Variants in ERGIC2 observed in about 807,000 individuals in gnomAD.
ERGIC2 encodes endoplasmic reticulum-Golgi intermediate compartment protein 2.
In ERGIC2, 31 loss-of-function variants were observed where a neutral mutation model predicts 52.5. That is an observed-to-expected ratio of 0.59 (90% confidence interval 0.44 to 0.80). The LOEUF is 0.80. Ranked by LOEUF, ERGIC2 falls within the 30% of genes least tolerant of loss-of-function variation. The probability of loss-of-function intolerance (pLI) is 0.00; values close to 1 mark genes in which losing one functional copy is unlikely to be tolerated. For synonymous variants in ERGIC2, 129 were observed against 140.6 expected (o/e 0.92, Z 0.58); for missense variants, 395 against 455.2 (o/e 0.87, Z 1.20).
At chr12:29,375,584 T>C (rs1940503900) in intron 1 of ERGIC2, among the ~76,000 whole-genome samples, 1 of 152,206 alleles carries the variant, frequency 6.6e-6, no homozygotes, top group South Asian at 2.1e-4. Flanking sequence ...ATTACATTTC[T>C]AAAAGTTTAT....
At position 29,339,762 on chromosome 12, in the gene ERGIC2, A is replaced by T. The variant is rs879253453; in HGVS notation, c.*1394T>A. On this transcript the variant is annotated 3_prime_UTR_variant, in exon 14 of 14. Transcript: ENST00000360150. ...ATCCTGTTTTCATAAATTTATCTTT[A>T]AAAAAATCCATTTGAAAAACTGTTA... is the stretch of plus-strand genomic sequence containing the variant. 1 of 152,084 alleles carries T rather than the reference A, an allele frequency of 6.6e-6. No homozygotes were observed. The highest frequency in any genetic ancestry group is 2.1e-4 in the South Asian group (1 of 4,834). 9.4% of individuals were successfully genotyped at this position (152,084 alleles called of 1,614,324 possible).
At chr12:29,342,812 G>A (rs1453784365) in intron 12 of ERGIC2, among the ~76,000 whole-genome samples, 2 of 152,120 alleles carry the variant, frequency 1.3e-5, no homozygotes, top group Non-Finnish European at 2.9e-5. Context: ...CTCAGAAAAG[G>A]TAGGTGATCT....
rs1949826138 is a variant in ERGIC2 at position 29,340,050 on chromosome 12, T to G, written c.*1106A>C. 6.6e-6 allele frequency: 1 copy of G among 152,160 alleles called. No homozygotes were observed. Among genetic ancestry groups the G allele is most frequent in the Non-Finnish European group, 1.5e-5 (1 of 67,990 alleles). 9.4% of individuals were successfully genotyped at this position (152,160 alleles called of 1,614,324 possible). A position where few individuals can be genotyped will look rare whatever the true frequency, so the allele number is the denominator to read the frequency against. On this transcript the variant is annotated 3_prime_UTR_variant, in exon 14 of 14. Coordinates refer to ENST00000360150, the MANE Select transcript of ERGIC2 (RefSeq NM_016570.3). Reference sequence around the variant, plus strand: ...TAATGTGAAGATTTAGAACCAATCCTTAAATAGTAAGAAAGTTAGAACACA... The same window carrying G: ...TAATGTGAAGATTTAGAACCAATCCGTAAATAGTAAGAAAGTTAGAACACA...
chr12:29,359,163 A>C (rs1940249369), intron 6 of ERGIC2, among the ~76,000 whole-genome samples: 1 of 151,972 alleles, frequency 6.6e-6, no homozygotes, highest in African/African-American at 2.4e-5. Flanking sequence ...AATAATGTTT[A>C]GAATCAGAAC....
At chr12:29,379,029 G>C (rs1052595983) in intron 1 of ERGIC2, among the ~76,000 whole-genome samples, 2 of 152,136 alleles carry the variant, frequency 1.3e-5, no homozygotes, top group Admixed American at 1.3e-4. Flanking sequence ...TGTGAGGTTA[G>C]TTGACAATCT....
chr12:29,350,845 C>G (rs1040485526), intron 8 of ERGIC2, among the ~76,000 whole-genome samples: 3 of 152,006 alleles, frequency 2.0e-5, no homozygotes, highest in African/African-American at 7.2e-5. Flanking sequence ...ACAGCAAACG[C>G]TATCAAGGCA....
intron 10 of ERGIC2, 150 bp from the exon 11 acceptor site, chr12:29,345,690 G>A: frequency 1.6e-6 from 1 of 620,314 alleles, no homozygotes; most frequent in South Asian, 1.8e-5. Flanking sequence ...GACGAAGGAG[G>A]ACTGCTTGAG....
intron 11 of ERGIC2, among the ~76,000 whole-genome samples, chr12:29,343,949 G>GTTACTCCA (rs1299977888): frequency 5.9e-5 from 9 of 151,894 alleles, no homozygotes; most frequent in Non-Finnish European, 1.3e-4. Context: ...ACCAACCCCA[G>GTTACTCCA]TTACTCCATT....
chr12:29,372,000 C>T (rs528741973), intron 1 of ERGIC2, among the ~76,000 whole-genome samples: 33 of 152,036 alleles, frequency 2.2e-4, no homozygotes, highest in Non-Finnish European at 3.8e-4. Context: ...AATACACTTC[C>T]AATAATGAAT....
chr12:29,347,281 T>C (rs1049558735), intron 10 of ERGIC2, among the ~76,000 whole-genome samples: 2 of 152,316 alleles, frequency 1.3e-5, no homozygotes, highest in South Asian at 2.1e-4. Flanking sequence ...ATTAGGAAAG[T>C]GAGCCATCCC....
intron 1 of ERGIC2, among the ~76,000 whole-genome samples, chr12:29,378,847 T>A (rs557609910): frequency 6.6e-6 from 1 of 152,268 alleles, no homozygotes; most frequent in South Asian, 2.1e-4. Context: ...CTTAGAATCC[T>A]CTCTCCATAA....
At chr12:29,355,079 T>C (rs1490743188) in intron 8 of ERGIC2, among the ~76,000 whole-genome samples, 3 of 152,206 alleles carry the variant, frequency 2.0e-5, no homozygotes, top group Admixed American at 6.5e-5. Flanking sequence ...CTTCCAGCCA[T>C]GCTCTTTCCT....
chr12:29,347,788 T>C lies in ERGIC2; in HGVS notation c.727+1291A>G, dbSNP rs181208266. ...ACATATATTACGAAGGAGAAAAGTA[T>C]ACAAACTGCTTTAAAGCTTTGAAAA... On this transcript the variant is annotated intron_variant, in intron 10 of 13. Coordinates refer to ENST00000360150, the MANE Select transcript of ERGIC2 (RefSeq NM_016570.3). Among the ~76,000 whole-genome samples the C allele has an allele frequency of 1.8e-3, 280 of 152,290 alleles. 2 individuals are homozygous for C. The highest frequency in any genetic ancestry group is 6.5e-3 in the African/African-American group (272 of 41,582).
At chr12:29,374,777 T>C (rs897209802) in intron 1 of ERGIC2, among the ~76,000 whole-genome samples, 3 of 152,196 alleles carry the variant, frequency 2.0e-5, no homozygotes, top group African/African-American at 2.4e-5. Flanking sequence ...TGTCCAAGTA[T>C]GTTCCTAGTC....
At chr12:29,345,054 C>T (rs1023563074) in intron 11 of ERGIC2, among the ~76,000 whole-genome samples, 6 of 152,158 alleles carry the variant, frequency 3.9e-5, no homozygotes, top group African/African-American at 1.2e-4. Context: ...GAAGGTAGTA[C>T]ATTTATTAAT....
Position 29,357,617 on chromosome 12 carries a change from T to G in ERGIC2, c.476+6A>C, listed in dbSNP as rs1031940872. The G allele has an allele frequency of 7.0e-7, 1 of 1,430,024 alleles. No individual in the cohort carries two copies. Among genetic ancestry groups the G allele is most frequent in the Non-Finnish European group, 9.8e-7 (1 of 1,016,234 alleles). The allele number at this position is 1,430,024 out of a possible 1,614,324, so 88.6% of individuals were successfully genotyped here. On this transcript the variant is annotated splice_donor_region_variant and intron_variant, in intron 7 of 13. Coordinates refer to ENST00000360150, the MANE Select transcript of ERGIC2 (RefSeq NM_016570.3). ...AACAGTTGCACATTTAAAATACAGA[T>G]CTCACCTTGGTGGAAGAGCTGTTGA... is the stretch of plus-strand genomic sequence containing the variant.
intron 2 of ERGIC2, 53 bp downstream of exon 2, chr12:29,371,475 A>T: frequency 8.7e-7 from 1 of 1,146,344 alleles, no homozygotes; most frequent in South Asian, 1.5e-5. Context: ...TGTTGACTGG[A>T]TCACGCAGAA....
chr12:29,362,460 G>A (rs1412520453), intron 5 of ERGIC2, among the ~76,000 whole-genome samples: 2 of 151,980 alleles, frequency 1.3e-5, no homozygotes, highest in Non-Finnish European at 2.9e-5. Context: ...AAAATCAGCT[G>A]GTGGTAGGCA....
At chr12:29,349,740 C>G (rs1353209451) in intron 9 of ERGIC2, among the ~76,000 whole-genome samples, 2 of 151,952 alleles carry the variant, frequency 1.3e-5, no homozygotes, top group African/African-American at 4.8e-5. Flanking sequence ...TTGAAATAAA[C>G]TGCAAATATA....
Sources: gnomAD v4.1 joint callset for allele counts (sites outside exome capture counted in the v4.1 genomes callset) on GRCh38, gnomAD v4.1.1 for gene constraint, MANE v1.5 for transcripts, NCBI Gene and HGNC (gene_info 2026-07-23, HGNC 2026-07-21) for gene names.